KLHL32: variants seen among roughly 807,000 people sequenced by gnomAD.
KLHL32 encodes the protein kelch-like protein 32.
Under a neutral mutation model 64.8 loss-of-function variants are expected in KLHL32, and 35 were observed. That is an observed-to-expected ratio of 0.54 (90% CI 0.41 to 0.72). The LOEUF (loss-of-function observed/expected upper bound fraction) is 0.72, where lower values mean the gene tolerates loss of function less well. Among genes scored for constraint, KLHL32 ranks in the 30% least tolerant of loss-of-function variants. The pLI, the probability that KLHL32 is intolerant of heterozygous loss-of-function variation, is 0.00. For synonymous variants in KLHL32, 259 were observed against 281.0 expected (o/e 0.92, Z 0.78); for missense variants, 589 against 768.5 (o/e 0.77, Z 2.76).
chr6:97,021,871 A>C (rs1782033349), intron 3 of KLHL32, among the ~76,000 whole-genome samples: 1 of 150,850 alleles, frequency 6.6e-6, no homozygotes, highest in Admixed American at 6.6e-5. Context: ...TTTCAATTTC[A>C]ATTAATGGCA....
At chr6:97,012,542 A>G (rs576638274) in intron 3 of KLHL32, among the ~76,000 whole-genome samples, 2 of 152,330 alleles carry the variant, frequency 1.3e-5, no homozygotes, top group Admixed American at 1.3e-4. Context: ...GAACTATAAA[A>G]TAGATTTGTG....
the KLHL32 span, among the ~76,000 whole-genome samples, chr6:96,916,839 C>T: frequency 2.0e-5 from 3 of 152,168 alleles, no homozygotes; most frequent in African/African-American, 4.8e-5. Context: ...CCTTCCTACA[C>T]GTTTATAGTG....
At chr6:96,967,140 T>G in intron 2 of KLHL32, 57 bp downstream of exon 2, 1 of 1,506,194 alleles carries the variant, frequency 6.6e-7, no homozygotes, top group African/African-American at 1.4e-5. Flanking sequence ...ATAAGTGCAT[T>G]GCACGTTCTA....
At chr6:97,082,773 T>C (rs1335500792) in intron 5 of KLHL32, among the ~76,000 whole-genome samples, 3 of 152,152 alleles carry the variant, frequency 2.0e-5, no homozygotes, top group African/African-American at 7.2e-5. Context: ...GTCAGTCATA[T>C]AGATGTGGAA....
intron 3 of KLHL32, among the ~76,000 whole-genome samples, chr6:96,992,231 C>T (rs1777962709): frequency 6.6e-6 from 1 of 152,200 alleles, no homozygotes; most frequent in Admixed American, 6.5e-5. Flanking sequence ...CCATGGCTCC[C>T]GGGACCCAGG....
At chr6:97,090,466 C>T (rs1338297559) in intron 6 of KLHL32, among the ~76,000 whole-genome samples, 3 of 152,136 alleles carry the variant, frequency 2.0e-5, no homozygotes, top group Admixed American at 1.3e-4. Context: ...GAATCAGCCA[C>T]GTTACAGTTT....
In KLHL32 at chr6:97,131,988, C is replaced by T. The variant is rs891799990; in HGVS notation, c.1607-665C>T. 1.3e-5 allele frequency among the ~76,000 whole-genome samples: 2 copies of T among 152,102 alleles called. 1 individual carries two copies. Among genetic ancestry groups the T allele is most frequent in the South Asian group, 4.1e-4 (2 of 4,824 alleles). On this transcript the variant is annotated intron_variant, in intron 9 of 10. Coordinates refer to ENST00000369261, the MANE Select transcript of KLHL32 (RefSeq NM_052904.4). Reference sequence around the variant, plus strand: ...AGAGACTCTTTCACTCTGTGATGGCCTCCAGGGAAGAATATGTGGTAGTGA... The same window carrying T: ...AGAGACTCTTTCACTCTGTGATGGCTTCCAGGGAAGAATATGTGGTAGTGA...
chr6:96,962,101 G>T (rs1309451474), intron 1 of KLHL32, among the ~76,000 whole-genome samples: 1 of 152,172 alleles, frequency 6.6e-6, no homozygotes, highest in African/African-American at 2.4e-5. Context: ...TAGCCAGCTA[G>T]TTTGGAAGGC....
chr6:97,103,303 T>A (rs1795974357), intron 6 of KLHL32, among the ~76,000 whole-genome samples: 1 of 151,634 alleles, frequency 6.6e-6, no homozygotes. Context: ...AAGCTCCGCT[T>A]CCCAGGTTCA....
At chr6:96,944,991 C>A (rs895409923) in intron 1 of KLHL32, among the ~76,000 whole-genome samples, 1 of 152,144 alleles carries the variant, frequency 6.6e-6, no homozygotes, top group Non-Finnish European at 1.5e-5. Context: ...ACGTTGACAA[C>A]TCTTTATTTT....
the KLHL32 span, among the ~76,000 whole-genome samples, chr6:96,916,847 G>C: frequency 2.1e-3 from 314 of 152,210 alleles, 2 homozygotes; most frequent in African/African-American, 7.4e-3. Context: ...CACGTTTATA[G>C]TGCTATTTTT....
intron 1 of KLHL32, among the ~76,000 whole-genome samples, chr6:96,942,116 G>A (rs944516075): frequency 1.8e-4 from 27 of 152,212 alleles, no homozygotes; most frequent in African/African-American, 6.3e-4. Flanking sequence ...AAGCACATGT[G>A]TTGCTCTAAC....
chr6:97,137,831 C>T (rs531868425), intron 10 of KLHL32, among the ~76,000 whole-genome samples: 1 of 152,304 alleles, frequency 6.6e-6, no homozygotes, highest in South Asian at 2.1e-4. Flanking sequence ...CGCGCCCAGC[C>T]TATTGCAGTT....
At chr6:97,038,743 A>G (rs887825511) in intron 3 of KLHL32, among the ~76,000 whole-genome samples, 2 of 152,202 alleles carry the variant, frequency 1.3e-5, no homozygotes, top group Middle Eastern at 6.8e-3. Context: ...GGAAATCAGT[A>G]TATCTGCACT....
At chr6:96,933,482 C>G (rs192607982) in intron 1 of KLHL32, among the ~76,000 whole-genome samples, 1 of 152,126 alleles carries the variant, frequency 6.6e-6, no homozygotes, top group African/African-American at 2.4e-5. Context: ...TTAAGTGAGC[C>G]CTTCACATCA....
intron 5 of KLHL32, among the ~76,000 whole-genome samples, chr6:97,082,284 A>G (rs1792662678): frequency 6.6e-6 from 1 of 152,154 alleles, no homozygotes; most frequent in Admixed American, 6.5e-5. Flanking sequence ...TATCTAAAAG[A>G]GGAGATACAG....
chr6:97,001,878 T>A (rs1290882960), intron 3 of KLHL32, among the ~76,000 whole-genome samples: 1 of 152,196 alleles, frequency 6.6e-6, no homozygotes, highest in African/African-American at 2.4e-5. Context: ...TAGACGTATG[T>A]ATATGCCTAA....
At chr6:96,964,913 G>A (rs1322087760) in intron 1 of KLHL32, among the ~76,000 whole-genome samples, 11 of 152,146 alleles carry the variant, frequency 7.2e-5, no homozygotes, top group South Asian at 2.1e-4. Context: ...TTGTTACATG[G>A]GTATATTGCA....
At chr6:97,002,789 T>C (rs2128080524) in intron 3 of KLHL32, among the ~76,000 whole-genome samples, 1 of 152,314 alleles carries the variant, frequency 6.6e-6, no homozygotes, top group East Asian at 1.9e-4. Context: ...TCCATGTTTC[T>C]GCAAAGGACA....
Sources: allele counts gnomAD v4.1 joint callset (sites outside exome capture counted in the v4.1 genomes callset), GRCh38; gene constraint gnomAD v4.1.1; transcripts MANE v1.5; gene names NCBI Gene and HGNC (gene_info 2026-07-23, HGNC 2026-07-21).